FCHSD2: variants seen among roughly 807,000 people sequenced by gnomAD.
The protein encoded by FCHSD2 is FCH and double SH3 domains 2.
In FCHSD2, 38 loss-of-function variants were observed where a neutral mutation model predicts 108.1. The ratio of observed to expected loss-of-function variants is 0.35; its 90% confidence interval spans 0.27 to 0.46. FCHSD2 has a LOEUF of 0.46. FCHSD2 is among the 20% of genes least tolerant of loss of function. The pLI is 1.00. For missense variants in FCHSD2, 751 were observed against 897.8 expected (o/e 0.84, Z 2.09); for synonymous variants, 279 against 314.7 (o/e 0.89, Z 1.20).
chr11:73,112,156 C>T (rs7935982), intron 2 of FCHSD2, among the ~76,000 whole-genome samples: 3,497 of 152,288 alleles, frequency 0.023, 127 homozygotes, highest in African/African-American at 0.08. Context: ...CTCCCTTTAG[C>T]ATTTCTTATA....
rs145491476 is a variant in FCHSD2 at position 73,086,829 on chromosome 11, T to C, written c.120-3089A>G. Among the ~76,000 whole-genome samples, 109 of 152,234 alleles carry C rather than the reference T, an allele frequency of 7.2e-4. 8 individuals are homozygous for C. In the East Asian group the frequency reaches 0.01, roughly 14 times the overall value. On this transcript the variant is annotated intron_variant, in intron 2 of 19. Transcript: ENST00000409418. Reference sequence around the variant, plus strand: ...TTAATCCAAGTGTCCCAGAAATGAATAGATAAATACAATGTGGTATATACA... The same window carrying C: ...TTAATCCAAGTGTCCCAGAAATGAACAGATAAATACAATGTGGTATATACA...
chr11:72,872,362 T>C (rs1468810708), intron 12 of FCHSD2, among the ~76,000 whole-genome samples: 3 of 151,160 alleles, frequency 2.0e-5, no homozygotes, highest in Non-Finnish European at 2.9e-5. Context: ...AGTATATTCA[T>C]AGTACATGCA....
chr11:72,841,648 C>T, intron 17 of FCHSD2, 65 bp from the exon 18 acceptor site: 2 of 1,473,738 alleles, frequency 1.4e-6, no homozygotes, highest in South Asian at 2.7e-5. Context: ...GGCTGCTTCT[C>T]TGACTGCTCT....
intron 8 of FCHSD2, among the ~76,000 whole-genome samples, chr11:72,930,441 A>G (rs553303785): frequency 1.3e-5 from 2 of 152,336 alleles, no homozygotes; most frequent in Admixed American, 6.5e-5. Flanking sequence ...ATTCATCTCT[A>G]TATTTTCTTT....
At chr11:73,098,665 C>T (rs2135530611) in intron 2 of FCHSD2, among the ~76,000 whole-genome samples, 1 of 151,990 alleles carries the variant, frequency 6.6e-6, no homozygotes, top group Admixed American at 6.5e-5. Context: ...GAGCACTAAA[C>T]TGAGAAAGAA....
chr11:73,124,817 T>C, intron 2 of FCHSD2, among the ~76,000 whole-genome samples: 1 of 151,232 alleles, frequency 6.6e-6, no homozygotes, highest in African/African-American at 2.4e-5. Flanking sequence ...GCATCAACCA[T>C]TGAATGATGA....
intron 14 of FCHSD2, among the ~76,000 whole-genome samples, chr11:72,849,291 T>C (rs1413280753): frequency 6.6e-6 from 1 of 152,236 alleles, no homozygotes; most frequent in Non-Finnish European, 1.5e-5. Flanking sequence ...TCCTCGGGGC[T>C]GAAGACACAC....
intron 8 of FCHSD2, among the ~76,000 whole-genome samples, chr11:72,943,770 T>A (rs1032356117): frequency 6.6e-6 from 1 of 152,216 alleles, no homozygotes; most frequent in Admixed American, 6.5e-5. Context: ...TACATAAACA[T>A]TGTATTTTGA....
chr11:72,839,270 A>G (rs1217474927), intron 19 of FCHSD2, among the ~76,000 whole-genome samples: 1 of 152,242 alleles, frequency 6.6e-6, no homozygotes, highest in Non-Finnish European at 1.5e-5. Context: ...TAAGTTGTGA[A>G]GGGCCTTGTT....
chr11:72,875,126 A>G (rs956086050), intron 12 of FCHSD2, among the ~76,000 whole-genome samples: 3 of 152,208 alleles, frequency 2.0e-5, no homozygotes, highest in Admixed American at 6.5e-5. Context: ...TGCCTTTAAC[A>G]TATCTCTTCT....
At chr11:73,092,008 C>T (rs1166953529) in intron 2 of FCHSD2, among the ~76,000 whole-genome samples, 3 of 152,106 alleles carry the variant, frequency 2.0e-5, no homozygotes, top group Non-Finnish European at 2.9e-5. Context: ...GCACTCCAGC[C>T]TGGGCGACAG....
chr11:73,093,776 T>G (rs984138802), intron 2 of FCHSD2, among the ~76,000 whole-genome samples: 1 of 152,132 alleles, frequency 6.6e-6, no homozygotes, highest in Non-Finnish European at 1.5e-5. Flanking sequence ...TAATTTTTTT[T>G]GTATTTTTAG....
intron 7 of FCHSD2, 65 bp from the exon 8 acceptor site, chr11:72,984,281 C>A (rs1416011656): frequency 2.0e-6 from 3 of 1,515,916 alleles, no homozygotes; most frequent in South Asian, 2.3e-5. Flanking sequence ...ACATAGGAAT[C>A]CTACTCTTAG....
In FCHSD2 at chr11:73,138,549, T is replaced by TA. The variant is rs556789445; in HGVS notation, c.119+1481dup. 4.3e-3 allele frequency among the ~76,000 whole-genome samples: 648 copies of TA among 152,112 alleles called. 3 individuals are homozygous for TA. Among genetic ancestry groups the TA allele is most frequent in the African/African-American group, 0.015 (608 of 41,502 alleles). On this transcript the variant is annotated intron_variant, in intron 2 of 19. Transcript: ENST00000409418. ...ATATTTCTTAGTTTGCTTAATAAGTTAAAAAAACCTTACATTTTTAACCAT... is the reference window on the plus strand; with the variant it reads ...ATATTTCTTAGTTTGCTTAATAAGTTAAAAAAAACCTTACATTTTTAACCAT...
At chr11:73,031,205 C>T (rs985761174) in intron 3 of FCHSD2, among the ~76,000 whole-genome samples, 6 of 152,166 alleles carry the variant, frequency 3.9e-5, no homozygotes, top group East Asian at 1.9e-4. Context: ...AGGCCGGGCA[C>T]GGTGGCTCAC....
chr11:73,015,485 G>A (rs1197806743), intron 4 of FCHSD2, among the ~76,000 whole-genome samples: 1 of 151,948 alleles, frequency 6.6e-6, no homozygotes, highest in East Asian at 1.9e-4. Context: ...ACAATAATGT[G>A]TTTCATCATA....
chr11:72,841,218 T>C (rs918983453), intron 18 of FCHSD2, among the ~76,000 whole-genome samples: 3 of 151,240 alleles, frequency 2.0e-5, no homozygotes, highest in Admixed American at 6.6e-5. Context: ...CCTGTATTCC[T>C]AGCTACTAGG....
chr11:72,859,193 G>A (rs1450954951), intron 13 of FCHSD2, among the ~76,000 whole-genome samples: 1 of 152,132 alleles, frequency 6.6e-6, no homozygotes, highest in Non-Finnish European at 1.5e-5. Context: ...AATATTAAGT[G>A]GAAAGTTCCA....
chr11:73,002,414 A>G (rs1037480378), intron 4 of FCHSD2, among the ~76,000 whole-genome samples: 1 of 152,184 alleles, frequency 6.6e-6, no homozygotes, highest in African/African-American at 2.4e-5. Context: ...TAAGAGCAGC[A>G]AAACGAATGC....
Sources: gnomAD v4.1 joint callset for allele counts (sites outside exome capture counted in the v4.1 genomes callset) on GRCh38, gnomAD v4.1.1 for gene constraint, MANE v1.5 for transcripts, NCBI Gene and HGNC (gene_info 2026-07-23, HGNC 2026-07-21) for gene names.